AGTPBP1: variants seen among roughly 807,000 people sequenced by gnomAD.
AGTPBP1 encodes the protein cytosolic carboxypeptidase 1.
In AGTPBP1, 70 loss-of-function variants were observed where a neutral mutation model predicts 143.9. The ratio of observed to expected loss-of-function variants is 0.49; its 90% CI spans 0.40 to 0.59. AGTPBP1 has a LOEUF of 0.59. Among genes scored for constraint, AGTPBP1 ranks in the 20% least tolerant of loss-of-function variants. The pLI is 0.00. For missense variants in AGTPBP1, 1,229 were observed against 1,464.5 expected (o/e 0.84, Z 2.62); for synonymous variants, 463 against 500.2 (o/e 0.93, Z 0.99).
chr9:85,573,636 C>T (rs541498531), intron 25 of AGTPBP1, among the ~76,000 whole-genome samples: 145 of 151,246 alleles, frequency 9.6e-4, no homozygotes, highest in African/African-American at 3.3e-3. Flanking sequence ...TCTGCCCGCC[C>T]GCCATCCCAT....
intron 2 of AGTPBP1, among the ~76,000 whole-genome samples, chr9:85,705,534 A>G: frequency 6.6e-6 from 1 of 152,262 alleles, no homozygotes; most frequent in African/African-American, 2.4e-5. Flanking sequence ...GAAAAAAAGA[A>G]GTAGAAAATG....
chr9:85,581,718 A>G (rs1329572208), intron 23 of AGTPBP1, among the ~76,000 whole-genome samples: 2 of 152,202 alleles, frequency 1.3e-5, no homozygotes, highest in African/African-American at 4.8e-5. Context: ...GTGGAAGCTA[A>G]ATTACATATT....
At chr9:85,606,254 A>G (rs968289075) in intron 17 of AGTPBP1, among the ~76,000 whole-genome samples, 2 of 152,054 alleles carry the variant, frequency 1.3e-5, no homozygotes, top group African/African-American at 4.8e-5. Context: ...GGACATAGAT[A>G]TTTCTCAAAA....
At chr9:85,799,697 T>A in the AGTPBP1 span, among the ~76,000 whole-genome samples, 1 of 152,076 alleles carries the variant, frequency 6.6e-6, no homozygotes, top group African/African-American at 2.4e-5. Context: ...TTATTATTTT[T>A]CGTAGAGGTG....
intron 4 of AGTPBP1, among the ~76,000 whole-genome samples, chr9:85,680,909 G>A (rs774487015): frequency 6.6e-5 from 10 of 152,080 alleles, no homozygotes; most frequent in Non-Finnish European, 1.0e-4. Context: ...ATTTTCATTT[G>A]TTTTAAGCTA....
intron 17 of AGTPBP1, among the ~76,000 whole-genome samples, chr9:85,606,459 C>A (rs541612064): frequency 1.3e-5 from 2 of 150,090 alleles, no homozygotes; most frequent in Middle Eastern, 3.5e-3. Flanking sequence ...TTGGTGGGAA[C>A]GTAAATTAGT....
At chr9:85,678,259 T>C in intron 5 of AGTPBP1, 76 bp downstream of exon 5, 1 of 1,007,724 alleles carries the variant, frequency 9.9e-7, no homozygotes, top group Non-Finnish European at 1.5e-6. Context: ...ATCGGAAAAT[T>C]CCAAATAAAG....
intron 24 of AGTPBP1, among the ~76,000 whole-genome samples, chr9:85,576,684 G>C (rs918881138): frequency 1.6e-4 from 25 of 152,170 alleles, no homozygotes; most frequent in African/African-American, 6.0e-4. Context: ...ACACTTATCA[G>C]CTAACAAGTT....
the AGTPBP1 span, among the ~76,000 whole-genome samples, chr9:85,769,357 T>C: frequency 6.6e-6 from 1 of 151,910 alleles, no homozygotes; most frequent in South Asian, 2.1e-4. Flanking sequence ...ACCATAGATT[T>C]GTATCACCAA....
In AGTPBP1 at chr9:85,547,267, C is replaced by G; in HGVS notation, c.3523G>C (p.Asp1175His). The G allele has an allele frequency of 1.2e-6, 2 of 1,611,410 alleles. No homozygotes were observed. The part of the protein sequence containing the change: ...KVTSPTTYVL[D>H]EDEPRFLEEV... ...TCAAGGAATCGAGGTTCATCTTCAT[C>G]CAAGACATAAGTGGTAGGGCTGCAG... Residue 1175 changes from aspartate (D) to histidine (H), a missense_variant, in exon 26 of 26, where the codon GAT becomes CAT. Coordinates refer to ENST00000357081, the MANE Select transcript of AGTPBP1 (RefSeq NM_001330701.2).
rs1391348584 is a variant in AGTPBP1, at chr9:85,585,512, G to A, written c.3116C>T (p.Thr1039Ile). Residue 1039 changes from threonine to isoleucine, a missense_variant, in exon 23 of 26, where the codon ACC becomes ATC. Coordinates refer to ENST00000357081, the MANE Select transcript of AGTPBP1 (RefSeq NM_001330701.2). ...GCSIKETVWHTNDNATSCDVV... is the reference protein window; with the variant it reads ...GCSIKETVWHINDNATSCDVV... ...ATCACATGAAGTTGCATTATCATTG[G>A]TATGCCACACTGTCTCTTTGATGCT... is the stretch of plus-strand genomic sequence containing the variant. 6.2e-7 allele frequency: 1 copy of A among 1,610,580 alleles called. No individual in the cohort carries two copies. The highest frequency in any genetic ancestry group is 1.1e-5 in the South Asian group (1 of 90,444).
At chr9:85,742,151 A>T, upstream of AGTPBP1, 11 of 533,300 alleles carry the variant, frequency 2.1e-5, no homozygotes, top group East Asian at 2.6e-4. Context: ...GCCTGACGGG[A>T]GGGAGCGCGC....
At chr9:85,652,283 G>A (rs1333737560) in intron 11 of AGTPBP1, among the ~76,000 whole-genome samples, 1 of 152,118 alleles carries the variant, frequency 6.6e-6, no homozygotes, top group Non-Finnish European at 1.5e-5. Flanking sequence ...GGCTGAGGCA[G>A]GCGGATCACA....
intron 17 of AGTPBP1, among the ~76,000 whole-genome samples, chr9:85,616,304 C>T (rs2133489758): frequency 6.6e-6 from 1 of 151,906 alleles, no homozygotes; most frequent in East Asian, 1.9e-4. Context: ...ATAAAGCAGC[C>T]ATCTGTCCCA....
At chr9:85,682,172 TAA>T (rs745339958) in intron 3 of AGTPBP1, among the ~76,000 whole-genome samples, 182 of 85,814 alleles carry the variant, frequency 2.1e-3, no homozygotes, top group East Asian at 8.8e-3. Flanking sequence ...TAGGATTGGT[TAA>T]AAAAAAAAAA....
the AGTPBP1 span, among the ~76,000 whole-genome samples, chr9:85,763,110 T>C: frequency 1.3e-5 from 2 of 152,044 alleles, no homozygotes; most frequent in African/African-American, 4.8e-5. Flanking sequence ...TAATAAATAA[T>C]TTTCTTCTTA....
chr9:85,767,180 CTTT>C, the AGTPBP1 span, among the ~76,000 whole-genome samples: 13 of 116,456 alleles, frequency 1.1e-4, no homozygotes, highest in African/African-American at 3.7e-4. Context: ...TGAGAACATA[CTTT>C]TTTTTTTTTT....
chr9:85,777,533 G>T, the AGTPBP1 span, among the ~76,000 whole-genome samples: 213 of 152,310 alleles, frequency 1.4e-3, 2 homozygotes, highest in South Asian at 3.7e-3. Context: ...GGCCCATTGG[G>T]CAATGACAGG....
the AGTPBP1 span, among the ~76,000 whole-genome samples, chr9:85,755,614 A>C: frequency 6.6e-6 from 1 of 152,214 alleles, no homozygotes; most frequent in South Asian, 2.1e-4. Flanking sequence ...TTGAATGCCC[A>C]CTGTGGCCCA....
Sources: allele counts gnomAD v4.1 joint callset (sites outside exome capture counted in the v4.1 genomes callset), GRCh38; gene constraint gnomAD v4.1.1; transcripts MANE v1.5; gene names NCBI Gene and HGNC (gene_info 2026-07-23, HGNC 2026-07-21).